RANBP2: variants seen among roughly 807,000 people sequenced by gnomAD.
RANBP2 encodes RAN binding protein 2.
In RANBP2, 57 loss-of-function variants were observed where a neutral mutation model predicts 303.6. The ratio of observed to expected loss-of-function variants is 0.19; its 90% CI spans 0.15 to 0.23. RANBP2 has a LOEUF of 0.23. Among genes scored for constraint, RANBP2 ranks in the 10% least tolerant of loss-of-function variants. RANBP2 has a pLI of 1.00. For synonymous variants in RANBP2, 1,167 were observed against 1,301.5 expected, an observed-to-expected ratio of 0.90 and a Z score of 2.23; for missense variants, 3,138 against 3,780.8, an observed-to-expected ratio of 0.83 and a Z score of 4.46.
the RANBP2 span, among the ~76,000 whole-genome samples, chr2:109,190,425 C>T: frequency 3.9e-5 from 6 of 152,200 alleles, no homozygotes; most frequent in Non-Finnish European, 5.9e-5. Context: ...CCACCCGCCT[C>T]GGCCACCCAA....
chr2:109,400,592 T>TACAC, the RANBP2 span, among the ~76,000 whole-genome samples: 1 of 131,942 alleles, frequency 7.6e-6, no homozygotes, highest in Non-Finnish European at 1.8e-5. Context: ...CACACACACT[T>TACAC]GTGAACTTAT....
chr2:109,437,425 A>T, the RANBP2 span, among the ~76,000 whole-genome samples: 1 of 152,130 alleles, frequency 6.6e-6, no homozygotes, highest in Non-Finnish European at 1.5e-5. Context: ...TTATCATGTT[A>T]CCCATCCTGG....
chr2:109,567,941 C>T, the RANBP2 span: 102 of 1,613,038 alleles, frequency 6.3e-5, no homozygotes, highest in African/African-American at 4.5e-4. Flanking sequence ...TTTTAGAAAC[C>T]GTATCTGCTT....
chr2:109,231,573 C>T, the RANBP2 span, among the ~76,000 whole-genome samples: 1 of 152,164 alleles, frequency 6.6e-6, no homozygotes, highest in African/African-American at 2.4e-5. Context: ...TTCTTTATTC[C>T]ATGATAAGCT....
rs1406122208 is a variant in RANBP2 at position 108,782,663 on chromosome 2, A to G, written c.9170A>G (p.Glu3057Gly). 6.2e-7 allele frequency: 1 copy of G among 1,614,098 alleles called. No homozygotes were observed. Among genetic ancestry groups the G allele is most frequent in the Non-Finnish European group, 8.5e-7 (1 of 1,180,038 alleles). ...AAAGGACATGTATCACTGGCAGCAGAATTATCAAAGGAGACCAATCCTGTG... is the reference window on the plus strand; with the variant it reads ...AAAGGACATGTATCACTGGCAGCAGGATTATCAAAGGAGACCAATCCTGTG... The part of the protein sequence containing the change: ...LQKGHVSLAA[E>G]LSKETNPVVF... The change falls in exon 28 of 29, where the codon GAA becomes GGA. Residue 3057 changes from glutamate (E) to glycine (G), a missense_variant. Transcript: ENST00000283195.
chr2:109,378,245 C>T, the RANBP2 span, among the ~76,000 whole-genome samples: 1 of 152,214 alleles, frequency 6.6e-6, no homozygotes, highest in African/African-American at 2.4e-5. Context: ...AGGGAGCTGG[C>T]TCATATTCAC....
chr2:109,645,352 C>T, the RANBP2 span, among the ~76,000 whole-genome samples: 10 of 152,352 alleles, frequency 6.6e-5, no homozygotes, highest in East Asian at 1.9e-3. Context: ...ACAGAGTGGG[C>T]ACCCAGCCCC....
the RANBP2 span, among the ~76,000 whole-genome samples, chr2:109,220,894 A>G: frequency 3.3e-5 from 5 of 152,262 alleles, no homozygotes; most frequent in African/African-American, 4.8e-5. Flanking sequence ...AATTAACTAT[A>G]TAATCCAGCA....
the RANBP2 span, among the ~76,000 whole-genome samples, chr2:109,589,192 G>T: frequency 6.6e-6 from 1 of 152,010 alleles, no homozygotes; most frequent in Non-Finnish European, 1.5e-5. Flanking sequence ...ACCCAGGCTG[G>T]AGTGCAGTCG....
the RANBP2 span, among the ~76,000 whole-genome samples, chr2:108,981,872 G>A: frequency 6.6e-6 from 1 of 152,196 alleles, no homozygotes; most frequent in East Asian, 1.9e-4. Context: ...CAGGACTGCT[G>A]TGCAGATTAA....
chr2:109,238,549 C>T, the RANBP2 span, among the ~76,000 whole-genome samples: 1 of 151,006 alleles, frequency 6.6e-6, no homozygotes, highest in Non-Finnish European at 1.5e-5. Flanking sequence ...TGCAGTGGTG[C>T]GATCTCTGCT....
the RANBP2 span, among the ~76,000 whole-genome samples, chr2:108,901,450 G>A: frequency 9.2e-5 from 14 of 152,174 alleles, no homozygotes; most frequent in South Asian, 6.2e-4. Context: ...AATGTACATA[G>A]AAGGAAATAA....
At chr2:109,473,293 C>T in the RANBP2 span, among the ~76,000 whole-genome samples, 2 of 152,186 alleles carry the variant, frequency 1.3e-5, no homozygotes, top group African/African-American at 4.8e-5. Context: ...CCCTGCAGAG[C>T]CAGAGCCTCT....
At chr2:108,888,811 T>A in the RANBP2 span, among the ~76,000 whole-genome samples, 1 of 152,024 alleles carries the variant, frequency 6.6e-6, no homozygotes, top group East Asian at 1.9e-4. Flanking sequence ...TTAGTCCTGC[T>A]CTGATCTTTA....
At chr2:109,254,343 T>C in the RANBP2 span, among the ~76,000 whole-genome samples, 1 of 152,180 alleles carries the variant, frequency 6.6e-6, no homozygotes, top group Admixed American at 6.5e-5. Flanking sequence ...TGTATAATCC[T>C]GTGCAAGTTG....
the RANBP2 span, among the ~76,000 whole-genome samples, chr2:109,604,374 A>G: frequency 6.0e-3 from 137 of 22,686 alleles, 2 homozygotes; most frequent in Non-Finnish European, 9.7e-3. Context: ...AAAGGAAAGA[A>G]GGGAAGGGAA....
At chr2:109,632,825 AAAAACAAAAC>A in the RANBP2 span, among the ~76,000 whole-genome samples, 21 of 151,782 alleles carry the variant, frequency 1.4e-4, no homozygotes, top group East Asian at 3.7e-3. Flanking sequence ...TCTCAAAAAA[AAAAACAAAAC>A]AAAACAAAGC....
At chr2:109,335,020 C>T in the RANBP2 span, among the ~76,000 whole-genome samples, 39 of 152,346 alleles carry the variant, frequency 2.6e-4, no homozygotes, top group African/African-American at 9.1e-4. Flanking sequence ...ACCGCGTTGG[C>T]GACTTACATG....
At chr2:109,544,427 C>A in the RANBP2 span, 9 of 1,405,268 alleles carry the variant, frequency 6.4e-6, no homozygotes, top group South Asian at 1.9e-5. Flanking sequence ...GGCCATGGGA[C>A]TTTGAAAAAG....
Sources: gnomAD v4.1 joint callset for allele counts (sites outside exome capture counted in the v4.1 genomes callset) on GRCh38, gnomAD v4.1.1 for gene constraint, MANE v1.5 for transcripts, NCBI Gene and HGNC (gene_info 2026-07-23, HGNC 2026-07-21) for gene names.